SNX22: variants seen among roughly 807,000 people sequenced by gnomAD.
SNX22 encodes the protein sorting nexin-22.
Under a neutral mutation model 24.7 loss-of-function variants are expected in SNX22, and 23 were observed. The ratio of observed to expected loss-of-function variants is 0.93; its 90% CI spans 0.67 to 1.32. The LOEUF (loss-of-function observed/expected upper bound fraction) is 1.32. Among genes scored for constraint, SNX22 ranks in the 40% most tolerant of loss-of-function variants. The probability of loss-of-function intolerance (pLI) is 0.00; values close to 1 mark genes in which losing one functional copy is unlikely to be tolerated. For missense variants in SNX22, 261 were observed against 249.9 expected (o/e 1.04, Z -0.30); for synonymous variants, 99 against 104.0 (o/e 0.95, Z 0.29).
Position 64,155,757 on chromosome 15 carries a change from T to G in SNX22, c.*1249T>G. On this transcript the variant is annotated 3_prime_UTR_variant, in exon 7 of 7. Transcript: ENST00000325881. ...CATTGCCACAGGAGAGTTGCAGGCA[T>G]GTTGGGATGTAGGCCTAGGGGAGGT... The G allele has an allele frequency of 1.2e-5, 5 of 429,716 alleles. No homozygotes were observed. Among genetic ancestry groups the G allele is most frequent in the Non-Finnish European group, 1.7e-5 (4 of 231,738 alleles). The allele number at this position is 429,716 out of a possible 1,614,324, so 26.6% of individuals were successfully genotyped here.
Position 64,155,582 on chromosome 15 carries a change from T to C in SNX22, c.*1074T>C, listed in dbSNP as rs2081522906. 8.9e-6 allele frequency: 2 copies of C among 224,832 alleles called. No individual in the cohort carries two copies. The highest frequency in any genetic ancestry group is 1.8e-5 in the Non-Finnish European group (2 of 113,570). 13.9% of individuals were successfully genotyped at this position (224,832 alleles called of 1,614,324 possible). On this transcript the variant is annotated 3_prime_UTR_variant, in exon 7 of 7. Transcript: ENST00000325881. ...AAAAGTACAGATACATCCCTTAACA[T>C]AGACTGGAGGGTGGTGGCAAGGGGA...
intron 6 of SNX22, 185 bp from the exon 7 acceptor site, chr15:64,154,202 T>C: frequency 6.3e-7 from 1 of 1,575,356 alleles, no homozygotes; most frequent in East Asian, 2.3e-5. Flanking sequence ...TTCAGCAGCC[T>C]GACTTCTTTA....
chr15:64,152,834 C>A (rs1237548376), intron 3 of SNX22, 92 bp downstream of exon 3: 9 of 1,130,868 alleles, frequency 8.0e-6, no homozygotes, highest in African/African-American at 1.5e-5. Context: ...GGGAGGGAAC[C>A]CACAACTTGG....
At chr15:64,152,195 C>T in intron 1 of SNX22, 48 bp from the exon 2 acceptor site, 1 of 1,362,412 alleles carries the variant, frequency 7.3e-7, no homozygotes, top group South Asian at 1.7e-5. Flanking sequence ...CTGCGGCGTC[C>T]TCCCGCGGGG....
chr15:64,155,364 AAAAT>A lies in SNX22; in HGVS notation c.*867_*870del. 1 of 152,846 alleles carries A rather than the reference AAAAT, an allele frequency of 6.5e-6. No individual in the cohort carries two copies. The highest frequency in any genetic ancestry group is 1.5e-5 in the Non-Finnish European group (1 of 68,608). 9.5% of individuals were successfully genotyped at this position (152,846 alleles called of 1,614,324 possible). A position where few individuals can be genotyped will look rare whatever the true frequency, so the allele number is the denominator to read the frequency against. On this transcript the variant is annotated 3_prime_UTR_variant, in exon 7 of 7. Coordinates refer to ENST00000325881, the MANE Select transcript of SNX22 (RefSeq NM_024798.3). ...GGCAACAAGAGTGAAACTCCGTCTC[AAAAT>A]AAATAAATAATAAAGGAAGAAGTCA...
chr15:64,152,004 A>T, intron 1 of SNX22, 154 bp downstream of exon 1: 1 of 848,630 alleles, frequency 1.2e-6, no homozygotes, highest in Non-Finnish European at 1.7e-6. Context: ...GGCCGCTTGG[A>T]TTTGCCAGCC....
rs2081538918 is a variant in SNX22 at position 64,157,089 on chromosome 15, T to G, written c.*2581T>G. 4.6e-5 allele frequency: 30 copies of G among 645,506 alleles called. 1 individual carries two copies. Among genetic ancestry groups the G allele is most frequent in the Non-Finnish European group, 5.3e-6 (2 of 376,962 alleles). The allele number at this position is 645,506 out of a possible 1,614,324, so 40.0% of individuals were successfully genotyped here. A position where few individuals can be genotyped will look rare whatever the true frequency, so the allele number is the denominator to read the frequency against. On this transcript the variant is annotated 3_prime_UTR_variant, in exon 7 of 7. Transcript: ENST00000325881. The surrounding 1 kb of genome is among the most constrained non-coding windows in gnomAD (Gnocchi z 4.2). Reference sequence around the variant, plus strand: ...GGCCTCAGAGCCAAGCCATGCTGACTGAGGCCAAGTGGGGCATCAGGCCAG... The same window carrying G: ...GGCCTCAGAGCCAAGCCATGCTGACGGAGGCCAAGTGGGGCATCAGGCCAG...
Position 64,155,510 on chromosome 15 carries a change from CAAAAAAA to C in SNX22, c.*1020_*1026del, listed in dbSNP as rs3056904. ...GCAACATAGTGAGACCTGTCTCTAC[CAAAAAAA>C]AAAAAAAAAAAAAAAAATCAATTTA... On this transcript the variant is annotated 3_prime_UTR_variant, in exon 7 of 7. Transcript: ENST00000325881. The C allele has an allele frequency of 0.019, 2,428 of 124,584 alleles. 36 individuals are homozygous for C. The highest frequency in any genetic ancestry group is 0.059 in the Middle Eastern group (14 of 238). The allele number at this position is 124,584 out of a possible 1,614,324, so 7.7% of individuals were successfully genotyped here.
intron 5 of SNX22, 67 bp from the exon 6 acceptor site, chr15:64,153,868 C>T: frequency 6.3e-7 from 1 of 1,592,472 alleles, no homozygotes; most frequent in Non-Finnish European, 8.6e-7. Flanking sequence ...GCAACCCCGT[C>T]TCCACCCCTC....
At position 64,154,368 on chromosome 15, in the gene SNX22, G is replaced by GT. The variant is rs763093004; in HGVS notation, c.461-16dup. 6.2e-7 allele frequency: 1 copy of GT among 1,614,074 alleles called. No individual in the cohort carries two copies. The highest frequency in any genetic ancestry group is 1.7e-5 in the Admixed American group (1 of 60,024). ...GAGCTGCAGGTCTGAGGCCAGACCT[G>GT]TTTAATTCTATCCCACAGAGTCGCT... On this transcript the variant is annotated intron_variant, in intron 6 of 6. Transcript: ENST00000325881.
chr15:64,154,601 C>T lies in SNX22; in HGVS notation c.*93C>T. ...GGCTGGGTCCTCCTTTGGCCTGGAC[C>T]CAGGACTTAATTACCCAGTGCCCAG... On this transcript the variant is annotated 3_prime_UTR_variant, in exon 7 of 7. Coordinates refer to ENST00000325881, the MANE Select transcript of SNX22 (RefSeq NM_024798.3). 6.6e-7 allele frequency: 1 copy of T among 1,506,580 alleles called. No homozygotes were observed. The highest frequency in any genetic ancestry group is 2.3e-5 in the East Asian group (1 of 43,740). 93.3% of individuals were successfully genotyped at this position (1,506,580 alleles called of 1,614,324 possible). A position where few individuals can be genotyped will look rare whatever the true frequency, so the allele number is the denominator to read the frequency against.
In SNX22 at chr15:64,154,365, C is replaced by A. The variant is rs748124680; in HGVS notation, c.461-22C>A. ...AAGGAGCTGCAGGTCTGAGGCCAGACCTGTTTAATTCTATCCCACAGAGTC... is the reference window on the plus strand; with the variant it reads ...AAGGAGCTGCAGGTCTGAGGCCAGAACTGTTTAATTCTATCCCACAGAGTC... On this transcript the variant is annotated intron_variant, in intron 6 of 6. Coordinates refer to ENST00000325881, the MANE Select transcript of SNX22 (RefSeq NM_024798.3). 4 of 1,613,868 alleles carry A rather than the reference C, an allele frequency of 2.5e-6. No individual in the cohort carries two copies. In the African/African-American group the frequency reaches 5.3e-5, roughly 22 times the overall value.
rs1387145378 is a variant in SNX22 at position 64,153,335 on chromosome 15, T to TG, written c.359+1dup. The TG allele has an allele frequency of 6.2e-7, 1 of 1,613,372 alleles. No individual in the cohort carries two copies. The highest frequency in any genetic ancestry group is 2.2e-5 in the East Asian group (1 of 44,868). On this transcript the variant is annotated frameshift_variant, in exon 4 of 7. Coordinates refer to ENST00000325881, the MANE Select transcript of SNX22 (RefSeq NM_024798.3). LOFTEE classifies it high-confidence loss of function. ...CCCCACAGACCCCAAGGCTAGCAAC[T>TG]GGGGGTAAGGGGGGCCGATGGCGGG...
In SNX22 at chr15:64,154,400, C is replaced by T. The variant is rs141685419; in HGVS notation, c.474C>T (p.Asn158=). The T allele has an allele frequency of 1.2e-5, 19 of 1,614,040 alleles. No homozygotes were observed. Among genetic ancestry groups the T allele is most frequent in the Non-Finnish European group, 1.4e-5 (16 of 1,180,038 alleles). Residue 158 remains asparagine, a synonymous_variant, in exon 7 of 7, where the codon AAC becomes AAT. Coordinates refer to ENST00000325881, the MANE Select transcript of SNX22 (RefSeq NM_024798.3). ...VCNPSPESLP[N]VVVNGVLQGL... ...TCTATCCCACAGAGTCGCTGCCCAA[C>T]GTGGTGGTGAATGGTGTGCTCCAGG...
In SNX22 at chr15:64,156,333, T is replaced by C; in HGVS notation, c.*1825T>C. 1.2e-6 allele frequency: 1 copy of C among 808,904 alleles called. No homozygotes were observed. Among genetic ancestry groups the C allele is most frequent in the Non-Finnish European group, 2.0e-6 (1 of 497,750 alleles). 50.1% of individuals were successfully genotyped at this position (808,904 alleles called of 1,614,324 possible). On this transcript the variant is annotated 3_prime_UTR_variant, in exon 7 of 7. Coordinates refer to ENST00000325881, the MANE Select transcript of SNX22 (RefSeq NM_024798.3). The surrounding 1 kb of genome is among the most constrained non-coding windows in gnomAD (Gnocchi z 6.4). ...GGAGAATGCAGATTTGACGAGGGGG[T>C]ACAGGAATTTTGTTCCTTTGAAGTA...
At chr15:64,153,735 A>T in intron 5 of SNX22, 51 bp downstream of exon 5, 1 of 1,612,870 alleles carries the variant, frequency 6.2e-7, no homozygotes, top group South Asian at 1.1e-5. Flanking sequence ...CCTAGTGGCC[A>T]TATGCTAGGA....
chr15:64,154,311 G>A (rs1596025306), intron 6 of SNX22, 76 bp from the exon 7 acceptor site: 1 of 1,597,588 alleles, frequency 6.3e-7, no homozygotes, highest in African/African-American at 1.3e-5. Context: ...CTACTCCCAA[G>A]TGGGGGCTGA....
rs1249173687 is a variant in SNX22, at chr15:64,153,703, C to CCG, written c.392+23_392+24dup. On this transcript the variant is annotated intron_variant, in intron 5 of 6. Transcript: ENST00000325881. ...ACAGCAGGCAAGTCAAAGCCCTAGCCCGCGCTTGGCCCCTGCTGCCCCCTA... is the reference window on the plus strand; with the variant it reads ...ACAGCAGGCAAGTCAAAGCCCTAGCCCGCGCGCTTGGCCCCTGCTGCCCCCTA... 11 of 1,613,930 alleles carry CCG rather than the reference C, an allele frequency of 6.8e-6. No homozygotes were observed. The highest frequency in any genetic ancestry group is 9.3e-6 in the Non-Finnish European group (11 of 1,180,008).
At chr15:64,153,718 G>A (rs2140177285) in intron 5 of SNX22, 34 bp downstream of exon 5, 1 of 1,613,856 alleles carries the variant, frequency 6.2e-7, no homozygotes, top group Non-Finnish European at 8.5e-7. Flanking sequence ...CTTGGCCCCT[G>A]CTGCCCCCTA....
Sources: allele counts gnomAD v4.1 joint callset, GRCh38; gene constraint gnomAD v4.1.1; non-coding constraint Gnocchi (gnomAD v3.1); transcripts MANE v1.5; gene names NCBI Gene and HGNC (gene_info 2026-07-23, HGNC 2026-07-21).